The following NPAS3 variants were observed in gnomAD, a reference collection of about 807,000 sequenced individuals.
NPAS3 encodes the protein neuronal PAS domain protein 3.
A neutral mutation model predicts 73.1 loss-of-function variants in NPAS3; 14 were observed. The ratio of observed to expected loss-of-function variants is 0.19; its 90% confidence interval spans 0.13 to 0.30. The LOEUF is 0.30. NPAS3 is among the 10% of genes least tolerant of loss of function. The probability of loss-of-function intolerance (pLI) is 1.00; values close to 1 mark genes in which losing one functional copy is unlikely to be tolerated. For synonymous variants in NPAS3, 620 were observed against 541.5 expected (o/e 1.14, Z -2.01); for missense variants, 1,096 against 1,250.0 (o/e 0.88, Z 1.86).
At chr14:33,528,134 G>C (rs539449948) in intron 4 of NPAS3, among the ~76,000 whole-genome samples, 26 of 152,028 alleles carry the variant, frequency 1.7e-4, no homozygotes, top group Non-Finnish European at 3.5e-4. Context: ...TTCCTGCAAA[G>C]TAAGAGATTA....
At chr14:33,478,861 G>T (rs2051173628) in intron 4 of NPAS3, among the ~76,000 whole-genome samples, 2 of 152,230 alleles carry the variant, frequency 1.3e-5, no homozygotes, top group African/African-American at 4.8e-5. Context: ...TTTACCCTGA[G>T]CCTTAATCTC....
At chr14:33,076,943 A>G (rs1193260813) in intron 2 of NPAS3, among the ~76,000 whole-genome samples, 1 of 152,206 alleles carries the variant, frequency 6.6e-6, no homozygotes, top group Non-Finnish European at 1.5e-5. Flanking sequence ...GGGCAAGTAG[A>G]AAAATATCCA....
chr14:33,789,880 C>T (rs1253875205), intron 9 of NPAS3, among the ~76,000 whole-genome samples: 1 of 152,148 alleles, frequency 6.6e-6, no homozygotes, highest in African/African-American at 2.4e-5. Context: ...TGAGCCACCG[C>T]GCCCGGCCTA....
intron 5 of NPAS3, among the ~76,000 whole-genome samples, chr14:33,613,521 C>T (rs527543505): frequency 6.6e-6 from 1 of 152,214 alleles, no homozygotes; most frequent in Admixed American, 6.5e-5. Context: ...TTGAGGCTTC[C>T]CCTCTCTTCT....
At chr14:33,766,570 A>C (rs2062469476) in intron 7 of NPAS3, among the ~76,000 whole-genome samples, 1 of 152,102 alleles carries the variant, frequency 6.6e-6, no homozygotes, top group Admixed American at 6.6e-5. Context: ...GCTGCCCTTA[A>C]GTTGAGCCCA....
intron 1 of NPAS3, among the ~76,000 whole-genome samples, chr14:32,971,745 A>G (rs967408394): frequency 1.1e-4 from 16 of 152,064 alleles, no homozygotes; most frequent in Admixed American, 3.3e-4. Context: ...TATTTCTGCA[A>G]TGTATTCATA....
intron 6 of NPAS3, among the ~76,000 whole-genome samples, chr14:33,708,123 T>C (rs1318412444): frequency 6.6e-6 from 1 of 150,910 alleles, no homozygotes; most frequent in Non-Finnish European, 1.5e-5. Context: ...CACCTCACCG[T>C]GTTCATGGCT....
At chr14:33,390,753 G>C (rs999249864) in intron 4 of NPAS3, among the ~76,000 whole-genome samples, 2 of 152,130 alleles carry the variant, frequency 1.3e-5, no homozygotes, top group Admixed American at 6.6e-5. Flanking sequence ...GTATGCATCT[G>C]TGCTTGTGTG....
At chr14:33,440,818 C>T (rs374845477) in intron 4 of NPAS3, among the ~76,000 whole-genome samples, 22 of 150,856 alleles carry the variant, frequency 1.5e-4, no homozygotes, top group Non-Finnish European at 2.2e-4. Context: ...ACTTCAACCC[C>T]GGGGGGCAGA....
At chr14:33,602,871 GA>G (rs1467921641) in intron 5 of NPAS3, among the ~76,000 whole-genome samples, 4 of 152,040 alleles carry the variant, frequency 2.6e-5, no homozygotes, top group Non-Finnish European at 5.9e-5. Flanking sequence ...TGTAGGGTGG[GA>G]CCCAAAAGGA....
chr14:32,952,089 G>A (rs910832025), intron 1 of NPAS3, among the ~76,000 whole-genome samples: 1 of 151,978 alleles, frequency 6.6e-6, no homozygotes, highest in South Asian at 2.1e-4. Flanking sequence ...ATATGTGTGT[G>A]TAGATTATAC....
At chr14:33,090,506 T>G (rs1463597964) in intron 2 of NPAS3, among the ~76,000 whole-genome samples, 1 of 152,152 alleles carries the variant, frequency 6.6e-6, no homozygotes, top group East Asian at 1.9e-4. Flanking sequence ...ATCAAGTCCT[T>G]AGAGACCTAC....
intron 4 of NPAS3, among the ~76,000 whole-genome samples, chr14:33,549,375 G>A (rs1375155477): frequency 6.6e-6 from 1 of 152,056 alleles, no homozygotes; most frequent in African/African-American, 2.4e-5. Context: ...GGGACCACAG[G>A]CATGTGGCAC....
intron 7 of NPAS3, among the ~76,000 whole-genome samples, chr14:33,747,012 T>C (rs2061826269): frequency 3.3e-5 from 5 of 151,762 alleles, no homozygotes; most frequent in Admixed American, 2.0e-4. Context: ...TTTTGTTCCA[T>C]TGTGGAAGTC....
chr14:32,973,631 G>A (rs892813361), intron 1 of NPAS3, among the ~76,000 whole-genome samples: 1 of 150,230 alleles, frequency 6.7e-6, no homozygotes, highest in African/African-American at 2.5e-5. Flanking sequence ...CCCTTCCCGA[G>A]TTCAAACAGT....
chr14:33,243,131 T>C (rs2048264738), intron 3 of NPAS3, among the ~76,000 whole-genome samples: 1 of 152,182 alleles, frequency 6.6e-6, no homozygotes, highest in African/African-American at 2.4e-5. Context: ...GTTTGGTTTT[T>C]ATTTTAAATA....
intron 5 of NPAS3, among the ~76,000 whole-genome samples, chr14:33,589,155 A>G (rs1178797384): frequency 6.6e-6 from 1 of 152,222 alleles, no homozygotes; most frequent in Non-Finnish European, 1.5e-5. Flanking sequence ...ACTGAATGTC[A>G]GGCTTATAAC....
chr14:33,058,318 G>A (rs1349201402), intron 2 of NPAS3, among the ~76,000 whole-genome samples: 1 of 152,120 alleles, frequency 6.6e-6, no homozygotes, highest in Non-Finnish European at 1.5e-5. Flanking sequence ...TCAATTTCTG[G>A]TGAAGGGGTA....
intron 4 of NPAS3, among the ~76,000 whole-genome samples, chr14:33,471,496 G>A (rs1045812564): frequency 6.6e-6 from 1 of 152,134 alleles, no homozygotes; most frequent in Non-Finnish European, 1.5e-5. Flanking sequence ...GGGAGACAGC[G>A]ATTTTTGCCC....
Sources: gnomAD v4.1 joint callset for allele counts (sites outside exome capture counted in the v4.1 genomes callset) on GRCh38, gnomAD v4.1.1 for gene constraint, MANE v1.5 for transcripts, NCBI Gene and HGNC (gene_info 2026-07-23, HGNC 2026-07-21) for gene names.